ENPP3: variants seen among roughly 807,000 people sequenced by gnomAD.
The protein encoded by ENPP3 is ectonucleotide pyrophosphatase/phosphodiesterase 3, also known as ectonucleotide pyrophosphatase/phosphodiesterase family member 3.
A neutral mutation model predicts 117.8 loss-of-function variants in ENPP3; 104 were observed. The observed-to-expected ratio is 0.88, with a 90% CI of 0.75 to 1.04. The LOEUF is 1.04. Ranked by LOEUF, ENPP3 falls within the 50% of genes least tolerant of loss-of-function variation. ENPP3 has a pLI of 0.00. For missense variants in ENPP3, 1,026 were observed against 1,051.9 expected (o/e 0.98, Z 0.34); for synonymous variants, 380 against 349.9 (o/e 1.09, Z -0.96).
At chr6:131,715,142 A>G (rs1779861168) in intron 15 of ENPP3, among the ~76,000 whole-genome samples, 1 of 150,674 alleles carries the variant, frequency 6.6e-6, no homozygotes, top group Non-Finnish European at 1.5e-5. Context: ...CCCCAGTCAC[A>G]GGCCTTGGGC....
intron 6 of ENPP3, among the ~76,000 whole-genome samples, chr6:131,668,325 G>A (rs1036770028): frequency 7.0e-6 from 1 of 141,966 alleles, no homozygotes; most frequent in Admixed American, 7.6e-5. Context: ...TGATTCTCCT[G>A]TCTCGCCCCC....
intron 6 of ENPP3, among the ~76,000 whole-genome samples, chr6:131,659,233 A>G (rs1778448219): frequency 6.6e-6 from 1 of 152,090 alleles, no homozygotes; most frequent in Admixed American, 6.5e-5. Context: ...GCATCCCTTG[A>G]GCTCAGGAGT....
chr6:131,742,286 G>C (rs776340952), intron 24 of ENPP3, among the ~76,000 whole-genome samples: 1 of 152,094 alleles, frequency 6.6e-6, no homozygotes, highest in Non-Finnish European at 1.5e-5. Flanking sequence ...CTTTTCCAAT[G>C]ACAGACATCA....
intron 2 of ENPP3, among the ~76,000 whole-genome samples, chr6:131,642,045 T>G (rs1778056255): frequency 6.6e-6 from 1 of 152,002 alleles, no homozygotes; most frequent in South Asian, 2.1e-4. Flanking sequence ...TCCACCCACC[T>G]CAGCTTCCCA....
intron 2 of ENPP3, among the ~76,000 whole-genome samples, chr6:131,649,515 CT>C (rs1441414800): frequency 6.6e-6 from 1 of 152,106 alleles, no homozygotes; most frequent in African/African-American, 2.4e-5. Context: ...TGTCCCACCC[CT>C]GTGTGCTCCC....
chr6:131,728,651 G>A (rs1052768497), intron 20 of ENPP3, among the ~76,000 whole-genome samples: 2 of 152,176 alleles, frequency 1.3e-5, no homozygotes, highest in African/African-American at 4.8e-5. Flanking sequence ...TCAGCTCTGT[G>A]TTTCAAAAAA....
At chr6:131,728,771 G>A (rs1194208992) in intron 20 of ENPP3, among the ~76,000 whole-genome samples, 1 of 152,084 alleles carries the variant, frequency 6.6e-6, no homozygotes, top group Non-Finnish European at 1.5e-5. Context: ...AATTTTTGTT[G>A]TATCTCAGAA....
intron 15 of ENPP3, among the ~76,000 whole-genome samples, chr6:131,699,113 C>T (rs1779469879): frequency 1.3e-5 from 2 of 149,688 alleles, no homozygotes; most frequent in Non-Finnish European, 3.0e-5. Flanking sequence ...TGGCACATGC[C>T]TGTAGTCCCA....
intron 6 of ENPP3, among the ~76,000 whole-genome samples, chr6:131,664,610 TACTC>T: frequency 6.6e-6 from 1 of 152,314 alleles, no homozygotes; most frequent in East Asian, 1.9e-4. Context: ...CTCACTGACT[TACTC>T]AGAGCAACTT....
intron 5 of ENPP3, among the ~76,000 whole-genome samples, chr6:131,655,089 A>T (rs1562431272): frequency 6.6e-6 from 1 of 152,224 alleles, no homozygotes; most frequent in Non-Finnish European, 1.5e-5. Flanking sequence ...TGTATGGTAC[A>T]TAGTAGGTAC....
At chr6:131,734,673 G>T (rs1780357617) in intron 21 of ENPP3, among the ~76,000 whole-genome samples, 1 of 152,018 alleles carries the variant, frequency 6.6e-6, no homozygotes, top group Admixed American at 6.6e-5. Context: ...AAAGTGGGTG[G>T]ATCACCTGAG....
chr6:131,673,910 C>A (rs1204220116), intron 7 of ENPP3, among the ~76,000 whole-genome samples: 2 of 151,900 alleles, frequency 1.3e-5, no homozygotes, highest in Admixed American at 6.6e-5. Context: ...ATATGCAAAT[C>A]CCAAGCCATT....
intron 12 of ENPP3, among the ~76,000 whole-genome samples, chr6:131,684,830 G>T (rs890615658): frequency 1.3e-5 from 2 of 151,936 alleles, no homozygotes; most frequent in African/African-American, 4.8e-5. Context: ...TGTCACTTAG[G>T]CAGGAGTGCA....
At chr6:131,701,598 A>AGC (rs1259894714) in intron 15 of ENPP3, among the ~76,000 whole-genome samples, 87 of 148,958 alleles carry the variant, frequency 5.8e-4, no homozygotes, top group African/African-American at 2.1e-3. Context: ...AAATATATGC[A>AGC]GGCCGGGTGC....
intron 2 of ENPP3, among the ~76,000 whole-genome samples, chr6:131,643,637 A>G (rs1343977980): frequency 6.6e-6 from 1 of 152,006 alleles, no homozygotes; most frequent in African/African-American, 2.4e-5. Context: ...CAGTTAACTC[A>G]CCTTCCATAG....
chr6:131,671,176 G>T (rs1778732241), intron 6 of ENPP3, 72 bp from the exon 7 acceptor site: 1 of 845,844 alleles, frequency 1.2e-6, no homozygotes, highest in South Asian at 1.4e-5. Flanking sequence ...AGACTTTCAT[G>T]TTCAGATTTT....
chr6:131,677,600 C>T (rs571587815), intron 10 of ENPP3, among the ~76,000 whole-genome samples: 1 of 152,276 alleles, frequency 6.6e-6, no homozygotes, highest in South Asian at 2.1e-4. Context: ...CTGGGACACA[C>T]CAAGAGTGGT....
intron 15 of ENPP3, among the ~76,000 whole-genome samples, chr6:131,716,804 A>T (rs1363115029): frequency 1.4e-5 from 2 of 146,280 alleles, no homozygotes; most frequent in Non-Finnish European, 3.0e-5. Context: ...CCCTCTCTCC[A>T]CTAAAAACAC....
Position 131,737,443 on chromosome 6 carries a change from A to C in ENPP3, c.2167+11A>C. The C allele has an allele frequency of 7.0e-7, 1 of 1,422,278 alleles. No homozygotes were observed. Among genetic ancestry groups the C allele is most frequent in the Admixed American group, 1.8e-5 (1 of 55,936 alleles). 88.1% of individuals were successfully genotyped at this position (1,422,278 alleles called of 1,614,324 possible). ...ATGAAGAATTCAGAAGTAAGTATGA[A>C]TTTAGAGTATTAATTTTAAAATAGT... is the stretch of plus-strand genomic sequence containing the variant. On this transcript the variant is annotated intron_variant, in intron 22 of 24. Transcript: ENST00000357639.
Sources: allele counts gnomAD v4.1 joint callset (sites outside exome capture counted in the v4.1 genomes callset), GRCh38; gene constraint gnomAD v4.1.1; transcripts MANE v1.5; gene names NCBI Gene and HGNC (gene_info 2026-07-23, HGNC 2026-07-21).